Variants in TRIM77 observed in about 807,000 individuals in gnomAD.
The protein encoded by TRIM77 is tripartite motif-containing protein 77.
Under a neutral mutation model 31.8 loss-of-function variants are expected in TRIM77, and 23 were observed. The ratio of observed to expected loss-of-function variants is 0.72; its 90% CI spans 0.52 to 1.02. The LOEUF (loss-of-function observed/expected upper bound fraction) is 1.02. Among genes scored for constraint, TRIM77 ranks in the 50% least tolerant of loss-of-function variants. TRIM77 has a pLI of 0.00. For synonymous variants in TRIM77, 159 were observed against 183.1 expected, an observed-to-expected ratio of 0.87 and a Z score of 1.06; for missense variants, 446 against 539.2, an observed-to-expected ratio of 0.83 and a Z score of 1.71.
chr11:89,713,455 CAATAAT>C (rs71052248), intron 2 of TRIM77, among the ~76,000 whole-genome samples: 41,133 of 121,732 alleles, frequency 0.34, 7,243 homozygotes, highest in African/African-American at 0.4. Flanking sequence ...GACCTTGTCT[CAATAAT>C]AATAATAATA....
chr11:89,715,274 G>T, intron 4 of TRIM77, 94 bp downstream of exon 4: 1 of 1,161,976 alleles, frequency 8.6e-7, no homozygotes, highest in Non-Finnish European at 1.3e-6. Flanking sequence ...AGGAATTTCT[G>T]TCTGTATTTA....
chr11:89,715,096 C>T, intron 3 of TRIM77, 62 bp from the exon 4 acceptor site: 1 of 1,506,984 alleles, frequency 6.6e-7, no homozygotes, highest in Non-Finnish European at 9.0e-7. Flanking sequence ...GACTGCATGT[C>T]TAGGATATAT....
intron 5 of TRIM77, 96 bp downstream of exon 5, chr11:89,716,083 T>G: frequency 1.5e-6 from 1 of 645,698 alleles, no homozygotes; most frequent in Admixed American, 3.6e-5. Flanking sequence ...CTGTCTCTAT[T>G]ATTATTTTCA....
rs1272274892 is a variant in TRIM77, at chr11:89,714,441, C to G, written c.738+19C>G. ...GCCTCAGGTAAAAACTGAAGGAGAT[C>G]AGGGTGCTGAACACCACCCTGCTTG... On this transcript the variant is annotated intron_variant, in intron 3 of 5. Transcript: ENST00000398290. 6.6e-7 allele frequency: 1 copy of G among 1,518,502 alleles called. No homozygotes were observed. Among genetic ancestry groups the G allele is most frequent in the Non-Finnish European group, 8.9e-7 (1 of 1,119,296 alleles). The allele number at this position is 1,518,502 out of a possible 1,614,324, so 94.1% of individuals were successfully genotyped here.
At chr11:89,711,712 TAAA>T in intron 2 of TRIM77, among the ~76,000 whole-genome samples, 1 of 152,286 alleles carries the variant, frequency 6.6e-6, no homozygotes, top group African/African-American at 2.4e-5. Context: ...TTTTTCTGAA[TAAA>T]GCAGTATCTA....
rs780743265 is a variant in TRIM77 at position 89,717,570 on chromosome 11, T to G, written c.1051T>G (p.Cys351Gly). Residue 351 changes from cysteine to glycine, a missense_variant, in exon 6 of 6, where the codon TGT (cysteine) becomes GGT (glycine). This residue lies in a region of TRIM77 where 366 missense variants were observed against 447.9 expected (regional missense o/e 0.82). Transcript: ENST00000398290. ...CTGGGAGGTGGATGTGAAAGACTCT[T>G]GTAATTGGGTTATAGGACTTTGCAG... ...HYWEVDVKDS[C>G]NWVIGLCREA... 45 of 1,551,370 alleles carry G rather than the reference T, an allele frequency of 2.9e-5. No homozygotes were observed. The highest frequency in any genetic ancestry group is 6.8e-5 in the African/African-American group (5 of 73,010).
chr11:89,714,742 T>C (rs12226845), intron 3 of TRIM77, among the ~76,000 whole-genome samples: 1 of 152,242 alleles, frequency 6.6e-6, no homozygotes, highest in African/African-American at 2.4e-5. Flanking sequence ...TTCAGTTTTG[T>C]ATAAGGATGT....
At chr11:89,713,750 C>A (rs1051380291) in intron 2 of TRIM77, among the ~76,000 whole-genome samples, 11 of 151,804 alleles carry the variant, frequency 7.2e-5, no homozygotes, top group African/African-American at 2.2e-4. Context: ...GCAAGCATAG[C>A]CAAACACTGG....
intron 5 of TRIM77, among the ~76,000 whole-genome samples, chr11:89,717,097 C>T (rs979844554): frequency 3.9e-5 from 6 of 152,090 alleles, no homozygotes; most frequent in African/African-American, 1.2e-4. Context: ...CTCTGATATA[C>T]TCTGTATGCC....
At chr11:89,711,693 A>G (rs1353217424) in intron 2 of TRIM77, among the ~76,000 whole-genome samples, 188 bp downstream of exon 2, 2 of 152,224 alleles carry the variant, frequency 1.3e-5, no homozygotes, top group Non-Finnish European at 2.9e-5. Context: ...ATAACTAAAA[A>G]TATCCTGATT....
rs1452270025 is a variant in TRIM77 at position 89,711,452 on chromosome 11, C to A, written c.454C>A (p.Gln152Lys). The change falls in exon 2 of 6, where the codon CAG becomes AAG. Residue 152 changes from glutamine to lysine, a missense_variant. Coordinates refer to ENST00000398290, the MANE Select transcript of TRIM77 (RefSeq NM_001146162.1). ...IQMKSIWKKK[Q>K]KNQRNLNRET... ...AATGAAGTCCATCTGGAAAAAAAAA[C>A]AGAAAAATCAAAGAAATCTAAACAG... The A allele has an allele frequency of 7.3e-6, 11 of 1,509,216 alleles. No homozygotes were observed. The highest frequency in any genetic ancestry group is 2.5e-5 in the Admixed American group (1 of 40,350). 93.5% of individuals were successfully genotyped at this position (1,509,216 alleles called of 1,614,324 possible).
rs1319893748 is a variant in TRIM77, at chr11:89,715,170, G to A, written c.751G>A (p.Val251Ile). ...DVNLPQDLGD[V>I]MKRNEFLRLA... ...TCTCTCTTTATAGGATTTGGGAGAC[G>A]TAATGAAAAGGTAAGTTTGCCCCTC... The change falls in exon 4 of 6, where the codon GTA (valine) becomes ATA (isoleucine). Residue 251 changes from valine to isoleucine, a missense_variant. Physicochemically the swap from Val to Ile is conservative, Grantham distance 29 (BLOSUM62 3). Coordinates refer to ENST00000398290, the MANE Select transcript of TRIM77 (RefSeq NM_001146162.1). 1.9e-5 allele frequency: 29 copies of A among 1,551,452 alleles called. No homozygotes were observed. Among genetic ancestry groups the A allele is most frequent in the East Asian group, 4.9e-5 (2 of 40,900 alleles).
intron 3 of TRIM77, 140 bp from the exon 4 acceptor site, chr11:89,715,018 G>A: frequency 1.4e-6 from 1 of 728,220 alleles, no homozygotes; most frequent in South Asian, 2.6e-5. Context: ...AAAAGAAAAT[G>A]AAAAATGCCT....
Position 89,710,497 on chromosome 11 carries a change from AT to A in TRIM77, c.201del (p.Ile68PhefsTer24), listed in dbSNP as rs1234031246. ...EISQQMYFKR[I>X]IFAEKQVIPT... is the part of the protein sequence containing the mutation. The stretch of plus-strand genomic sequence containing the variant: ...ATCACAGCAAATGTACTTCAAACGC[AT>A]TATTTTTGCTGAGAAACAAGTTATT... On this transcript the variant is annotated frameshift_variant, in exon 1 of 6. Coordinates refer to ENST00000398290, the MANE Select transcript of TRIM77 (RefSeq NM_001146162.1). LOFTEE classifies it high-confidence loss of function. The A allele has an allele frequency of 1.3e-6, 2 of 1,551,372 alleles. No individual in the cohort carries two copies. Among genetic ancestry groups the A allele is most frequent in the African/African-American group, 2.7e-5 (2 of 73,034 alleles).
rs1289219902 is a variant in TRIM77, at chr11:89,710,519, TTATTCC to T, written c.224_229del (p.Ile75_Pro76del). On this transcript the variant is annotated inframe_deletion, in exon 1 of 6. Coordinates refer to ENST00000398290, the MANE Select transcript of TRIM77 (RefSeq NM_001146162.1). ...CGCATTATTTTTGCTGAGAAACAAG[TTATTCC>T]TACAAGAGAATCAGTCCCCTGCCAG... 6.4e-7 allele frequency: 1 copy of T among 1,551,480 alleles called. No individual in the cohort carries two copies.
chr11:89,712,414 T>C (rs1949128573), intron 2 of TRIM77, among the ~76,000 whole-genome samples: 1 of 152,112 alleles, frequency 6.6e-6, no homozygotes, highest in African/African-American at 2.4e-5. Flanking sequence ...GTCTATAATC[T>C]AGTGGGGGAA....
chr11:89,711,516 A>C lies in TRIM77; in HGVS notation c.507+11A>C. 3 of 1,443,664 alleles carry C rather than the reference A, an allele frequency of 2.1e-6. No homozygotes were observed. Among genetic ancestry groups the C allele is most frequent in the Non-Finnish European group, 2.8e-6 (3 of 1,069,992 alleles). The allele number at this position is 1,443,664 out of a possible 1,614,324, so 89.4% of individuals were successfully genotyped here. A position where few individuals can be genotyped will look rare whatever the true frequency, so the allele number is the denominator to read the frequency against. Reference sequence around the variant, plus strand: ...ATCGGAACATGGGAAGTAAGCAGTAAGCTCATTTCTCTCAGAACCAGTTTG... The same window carrying C: ...ATCGGAACATGGGAAGTAAGCAGTACGCTCATTTCTCTCAGAACCAGTTTG... On this transcript the variant is annotated intron_variant, in intron 2 of 5. Transcript: ENST00000398290.
chr11:89,711,999 T>C (rs1332023870), intron 2 of TRIM77, among the ~76,000 whole-genome samples: 1 of 152,210 alleles, frequency 6.6e-6, no homozygotes, highest in African/African-American at 2.4e-5. Flanking sequence ...GATTAATTCA[T>C]GAAAAAGAGT....
intron 2 of TRIM77, among the ~76,000 whole-genome samples, chr11:89,713,296 A>G (rs957886494): frequency 6.7e-6 from 1 of 148,796 alleles, no homozygotes; most frequent in Admixed American, 6.7e-5. Flanking sequence ...AAAAAAAAAA[A>G]AAGTAATTGA....
Sources: allele counts gnomAD v4.1 joint callset (sites outside exome capture counted in the v4.1 genomes callset), GRCh38; gene constraint gnomAD v4.1.1; regional missense constraint gnomAD v4.1.1; transcripts MANE v1.5; gene names NCBI Gene and HGNC (gene_info 2026-07-23, HGNC 2026-07-21).